SLC9A9: variants seen among roughly 807,000 people sequenced by gnomAD.
SLC9A9 encodes solute carrier family 9 member A9.
SLC9A9 carries 62 observed loss-of-function variants against 77.8 expected under a neutral mutation model. The ratio of observed to expected loss-of-function variants is 0.80; its 90% CI spans 0.65 to 0.98. The LOEUF is 0.98. Ranked by LOEUF, SLC9A9 falls within the 50% of genes least tolerant of loss-of-function variation. SLC9A9 has a pLI of 0.00. For synonymous variants in SLC9A9, 320 were observed against 283.5 expected (o/e 1.13, Z -1.29); for missense variants, 775 against 774.9 (o/e 1.00, Z 0.00).
chr3:143,374,935 A>G (rs1419570199), intron 13 of SLC9A9, among the ~76,000 whole-genome samples: 6 of 152,144 alleles, frequency 3.9e-5, no homozygotes, highest in South Asian at 2.1e-4. Context: ...CCAAACACCT[A>G]CTACTCTTCC....
intron 9 of SLC9A9, among the ~76,000 whole-genome samples, chr3:143,515,519 C>T (rs753511067): frequency 1.5e-4 from 23 of 152,172 alleles, no homozygotes; most frequent in Non-Finnish European, 3.1e-4. Flanking sequence ...CCAGCATATA[C>T]GATGTTTTCT....
intron 6 of SLC9A9, among the ~76,000 whole-genome samples, chr3:143,610,996 G>C (rs2108698682): frequency 6.6e-6 from 1 of 152,004 alleles, no homozygotes; most frequent in East Asian, 1.9e-4. Flanking sequence ...AAAAATTGCA[G>C]AAAGCAAACA....
chr3:143,361,869 T>A (rs1305821996), intron 14 of SLC9A9, among the ~76,000 whole-genome samples: 2 of 152,224 alleles, frequency 1.3e-5, no homozygotes, highest in African/African-American at 4.8e-5. Flanking sequence ...TTCACTTTAT[T>A]CCTTTTCTTC....
At chr3:143,810,778 G>C (rs192030262) in intron 2 of SLC9A9, among the ~76,000 whole-genome samples, 12 of 152,182 alleles carry the variant, frequency 7.9e-5, no homozygotes, top group African/African-American at 2.6e-4. Flanking sequence ...TTATTCATTA[G>C]AAATTTAACA....
intron 13 of SLC9A9, among the ~76,000 whole-genome samples, chr3:143,367,829 T>C (rs1184574601): frequency 6.6e-6 from 1 of 152,192 alleles, no homozygotes; most frequent in Non-Finnish European, 1.5e-5. Flanking sequence ...CAATATTTCT[T>C]CTCTTTCGAG....
At chr3:143,492,802 T>A (rs1022771957) in intron 11 of SLC9A9, among the ~76,000 whole-genome samples, 1 of 152,226 alleles carries the variant, frequency 6.6e-6, no homozygotes, top group Non-Finnish European at 1.5e-5. Flanking sequence ...TTGTATTTGT[T>A]CATGCTGATA....
chr3:143,446,734 G>T (rs2034850018), intron 12 of SLC9A9, among the ~76,000 whole-genome samples: 1 of 152,186 alleles, frequency 6.6e-6, no homozygotes, highest in South Asian at 2.1e-4. Context: ...CTTAGCTGGG[G>T]CAGGAGGCTG....
At chr3:143,327,645 C>G (rs2031644895) in intron 14 of SLC9A9, among the ~76,000 whole-genome samples, 1 of 152,184 alleles carries the variant, frequency 6.6e-6, no homozygotes, top group Non-Finnish European at 1.5e-5. Context: ...CATCTTCCAT[C>G]TATGGCCACC....
rs1166165474 is a variant in SLC9A9, at chr3:143,342,777, A to G, written c.1604+20707T>C. 2.0e-5 allele frequency among the ~76,000 whole-genome samples: 3 copies of G among 152,226 alleles called. No homozygotes were observed. The East Asian group carries it at 5.8e-4, about 29-fold the overall frequency. Reference sequence around the variant, plus strand: ...AAAATTCCTATTGAGTGATCTATTTAATCACTCAGGTGGGGTATGGTGTAT... The same window carrying G: ...AAAATTCCTATTGAGTGATCTATTTGATCACTCAGGTGGGGTATGGTGTAT... On this transcript the variant is annotated intron_variant, in intron 14 of 15. Transcript: ENST00000316549.
chr3:143,555,468 C>T (rs1023365308), intron 8 of SLC9A9, among the ~76,000 whole-genome samples: 1 of 152,090 alleles, frequency 6.6e-6, no homozygotes, highest in African/African-American at 2.4e-5. Context: ...GTAGGCACTC[C>T]GTATTTGTTG....
chr3:143,380,649 G>A (rs1253378648), intron 13 of SLC9A9, among the ~76,000 whole-genome samples: 2 of 152,178 alleles, frequency 1.3e-5, no homozygotes, highest in African/African-American at 4.8e-5. Context: ...CACCCCTGCT[G>A]TGCTCCATCC....
intron 8 of SLC9A9, among the ~76,000 whole-genome samples, chr3:143,557,935 A>G (rs1271085667): frequency 1.3e-5 from 2 of 152,378 alleles, no homozygotes; most frequent in East Asian, 1.9e-4. Flanking sequence ...CCAAATGTTA[A>G]TCACCAAAAC....
At chr3:143,452,568 ATATCT>A (rs2035026122) in intron 12 of SLC9A9, among the ~76,000 whole-genome samples, 1 of 151,810 alleles carries the variant, frequency 6.6e-6, no homozygotes, top group Non-Finnish European at 1.5e-5. Flanking sequence ...GAATTTTAAA[ATATCT>A]TATAAGTTTT....
chr3:143,335,314 A>G (rs115100742), intron 14 of SLC9A9, among the ~76,000 whole-genome samples: 1,953 of 152,292 alleles, frequency 0.013, 52 homozygotes, highest in African/African-American at 0.045. Flanking sequence ...TTTATGGCTC[A>G]GAAGACTTAA....
intron 14 of SLC9A9, among the ~76,000 whole-genome samples, chr3:143,316,053 A>G (rs955752997): frequency 6.6e-6 from 1 of 152,228 alleles, no homozygotes; most frequent in Non-Finnish European, 1.5e-5. Flanking sequence ...GACAAGTTGT[A>G]TTATAGTTGG....
intron 4 of SLC9A9, among the ~76,000 whole-genome samples, chr3:143,734,980 A>G (rs1214607598): frequency 2.0e-5 from 3 of 152,212 alleles, no homozygotes; most frequent in East Asian, 3.8e-4. Flanking sequence ...ATTGAGATAC[A>G]TTGATTCAAT....
At chr3:143,402,981 C>T (rs1453535776) in intron 12 of SLC9A9, among the ~76,000 whole-genome samples, 2 of 144,754 alleles carry the variant, frequency 1.4e-5, no homozygotes, top group African/African-American at 2.5e-5. Context: ...TTAGACTCTG[C>T]TTTGGATTTA....
At chr3:143,295,892 C>T (rs1429699785) in intron 14 of SLC9A9, among the ~76,000 whole-genome samples, 3 of 149,402 alleles carry the variant, frequency 2.0e-5, no homozygotes, top group Non-Finnish European at 4.4e-5. Flanking sequence ...GCCTTTCACA[C>T]AGCTGCTCAT....
At chr3:143,436,682 T>A (rs776199186) in intron 12 of SLC9A9, among the ~76,000 whole-genome samples, 5 of 152,202 alleles carry the variant, frequency 3.3e-5, no homozygotes, top group Non-Finnish European at 7.3e-5. Context: ...TTGTGACTAA[T>A]TAGGTATAAA....
Sources: gnomAD v4.1 joint callset for allele counts (sites outside exome capture counted in the v4.1 genomes callset) on GRCh38, gnomAD v4.1.1 for gene constraint, MANE v1.5 for transcripts, NCBI Gene and HGNC (gene_info 2026-07-23, HGNC 2026-07-21) for gene names.